Variants in JARID2 observed in about 807,000 individuals in gnomAD.
JARID2 encodes the protein protein Jumonji.
Under a neutral mutation model 125.6 loss-of-function variants are expected in JARID2, and 21 were observed. The ratio of observed to expected loss-of-function variants is 0.17; its 90% CI spans 0.12 to 0.24. The LOEUF is 0.24. Ranked by LOEUF, JARID2 falls within the 10% of genes least tolerant of loss-of-function variation. The probability of loss-of-function intolerance (pLI) is 1.00; values close to 1 mark genes in which losing one functional copy is unlikely to be tolerated. For synonymous variants in JARID2, 736 were observed against 661.6 expected (o/e 1.11, Z -1.73); for missense variants, 1,303 against 1,639.6 (o/e 0.79, Z 3.55).
intron 12 of JARID2, among the ~76,000 whole-genome samples, chr6:15,510,602 C>T (rs1372910352): frequency 6.6e-6 from 1 of 152,204 alleles, no homozygotes; most frequent in Non-Finnish European, 1.5e-5. Context: ...GGCCTATGAG[C>T]CCTTGATCCT....
intron 1 of JARID2, among the ~76,000 whole-genome samples, chr6:15,329,707 A>C (rs944870901): frequency 9.2e-5 from 14 of 152,212 alleles, no homozygotes; most frequent in African/African-American, 3.1e-4. Flanking sequence ...GTGCAAAGTT[A>C]GGAATCTTTG....
intron 1 of JARID2, among the ~76,000 whole-genome samples, chr6:15,281,381 G>A (rs543919501): frequency 3.3e-5 from 5 of 152,208 alleles, no homozygotes; most frequent in Admixed American, 2.0e-4. Context: ...ATACATTGTG[G>A]TATGTGTGAA....
At chr6:15,444,046 T>G (rs1581572639) in intron 3 of JARID2, among the ~76,000 whole-genome samples, 1 of 152,134 alleles carries the variant, frequency 6.6e-6, no homozygotes, top group South Asian at 2.1e-4. Flanking sequence ...TATCCTGCGG[T>G]TTTTTGCATA....
intron 1 of JARID2, among the ~76,000 whole-genome samples, chr6:15,302,928 G>C (rs1188849140): frequency 6.6e-6 from 1 of 152,004 alleles, no homozygotes; most frequent in Non-Finnish European, 1.5e-5. Context: ...TAGAGACTGG[G>C]TTTCAGGTTG....
At chr6:15,465,870 C>A (rs755912274) in intron 4 of JARID2, among the ~76,000 whole-genome samples, 12 of 151,708 alleles carry the variant, frequency 7.9e-5, no homozygotes, top group Admixed American at 5.2e-4. Flanking sequence ...GTGGCATGAT[C>A]TCGGCTCACT....
At chr6:15,342,343 T>G (rs1288988610) in intron 1 of JARID2, among the ~76,000 whole-genome samples, 1 of 152,202 alleles carries the variant, frequency 6.6e-6, no homozygotes, top group Admixed American at 6.5e-5. Flanking sequence ...TGTGCCCATT[T>G]AGCCTCTGGG....
intron 2 of JARID2, among the ~76,000 whole-genome samples, chr6:15,386,785 A>AT (rs1390047694): frequency 6.6e-6 from 1 of 152,256 alleles, no homozygotes; most frequent in African/African-American, 2.4e-5. Context: ...CCAGAGGCCC[A>AT]TGTGCATCCC....
intron 1 of JARID2, chr6:15,248,779 C>G (rs1294981073): frequency 6.9e-6 from 2 of 291,352 alleles, no homozygotes; most frequent in Non-Finnish European, 1.0e-5. Flanking sequence ...GTGGAACCTT[C>G]CCCTCCTCCT....
intron 3 of JARID2, among the ~76,000 whole-genome samples, chr6:15,417,037 G>A (rs138705934): frequency 2.6e-5 from 4 of 152,102 alleles, no homozygotes; most frequent in Non-Finnish European, 5.9e-5. Flanking sequence ...TTTGGTGATG[G>A]TATATTTTTA....
chr6:15,343,569 A>G (rs1052874310), intron 1 of JARID2, among the ~76,000 whole-genome samples: 1 of 152,166 alleles, frequency 6.6e-6, no homozygotes, highest in Non-Finnish European at 1.5e-5. Flanking sequence ...TGTGCAGTCA[A>G]AGAGGCCTCT....
At chr6:15,253,851 A>G (rs1395274000) in intron 1 of JARID2, among the ~76,000 whole-genome samples, 1 of 152,168 alleles carries the variant, frequency 6.6e-6, no homozygotes, top group East Asian at 1.9e-4. Context: ...TTTGTCTGAG[A>G]AAAGGGGTTT....
intron 2 of JARID2, among the ~76,000 whole-genome samples, chr6:15,382,942 G>A (rs921948205): frequency 6.6e-6 from 1 of 152,142 alleles, no homozygotes; most frequent in East Asian, 1.9e-4. Flanking sequence ...GACGACTTTA[G>A]GAGGGACACA....
rs183939690 is a variant in JARID2 at position 15,252,106 on chromosome 6, A to G, written c.45+5522A>G. Among the ~76,000 whole-genome samples the G allele has an allele frequency of 2.4e-3, 369 of 152,378 alleles. 2 individuals carry two copies. Among genetic ancestry groups the G allele is most frequent in the Non-Finnish European group, 4.5e-3 (304 of 68,042 alleles). On this transcript the variant is annotated intron_variant, in intron 1 of 17. Coordinates refer to ENST00000341776, the MANE Select transcript of JARID2 (RefSeq NM_004973.4). ...GGGAAAATCTGAAAGGACTGTCCAC[A>G]CACATTGCTTTGCAAGTGATTCCCT...
chr6:15,519,207 C>T (rs1269295565), intron 17 of JARID2, among the ~76,000 whole-genome samples: 25 of 152,208 alleles, frequency 1.6e-4, no homozygotes, highest in Admixed American at 1.5e-3. Flanking sequence ...TAGCAGTAGC[C>T]GCCTAAATGG....
intron 3 of JARID2, among the ~76,000 whole-genome samples, chr6:15,432,651 AGTTTGGAAT>A (rs1163768665): frequency 6.6e-6 from 1 of 152,210 alleles, no homozygotes; most frequent in Non-Finnish European, 1.5e-5. Context: ...ATAGCTGGAA[AGTTTGGAAT>A]GTTACAAAGT....
At chr6:15,375,050 G>A (rs986093373) in intron 2 of JARID2, among the ~76,000 whole-genome samples, 19 of 152,192 alleles carry the variant, frequency 1.2e-4, no homozygotes, top group African/African-American at 3.9e-4. Context: ...TATGGCTCTG[G>A]TCTTAGGAGA....
chr6:15,299,716 C>T lies in JARID2; in HGVS notation c.45+53132C>T, dbSNP rs1448835830. On this transcript the variant is annotated intron_variant, in intron 1 of 17. Transcript: ENST00000341776. ...ACACAGATGGTTCTCAGTGGCAGTT[C>T]GCAGAGCGGTCCTCATTTGGCCGGA... Among the ~76,000 whole-genome samples the T allele has an allele frequency of 1.2e-4, 18 of 152,116 alleles. No individual in the cohort carries two copies. In the South Asian group the frequency reaches 2.3e-3, roughly 19 times the overall value.
Position 15,512,300 on chromosome 6 carries a change from T to C in JARID2, c.3045T>C (p.Phe1015=), listed in dbSNP as rs1771317477. ...TTGTCGTCTGCTTCCCGGGATCCTT[T>C]GTGTCCAAAGTGTGCTGTGGGTACA... ...GQFVVCFPGS[F]VSKVCCGYSV... is the part of the protein sequence containing the mutation. The change falls in exon 14 of 18, where the codon TTT becomes TTC. Residue 1015 remains phenylalanine, a synonymous_variant. Coordinates refer to ENST00000341776, the MANE Select transcript of JARID2 (RefSeq NM_004973.4). The C allele has an allele frequency of 2.5e-6, 4 of 1,614,014 alleles. No individual in the cohort carries two copies. The highest frequency in any genetic ancestry group is 2.7e-5 in the African/African-American group (2 of 74,922).
intron 7 of JARID2, 28 bp from the exon 8 acceptor site, chr6:15,500,879 C>T: frequency 6.4e-7 from 1 of 1,562,900 alleles, no homozygotes; most frequent in Non-Finnish European, 8.7e-7. Context: ...CACTAACTGT[C>T]CCGTTTTTTT....
Sources: allele counts gnomAD v4.1 joint callset (sites outside exome capture counted in the v4.1 genomes callset), GRCh38; gene constraint gnomAD v4.1.1; transcripts MANE v1.5; gene names NCBI Gene and HGNC (gene_info 2026-07-23, HGNC 2026-07-21).